Variants in SORCS2 observed in about 807,000 individuals in gnomAD.
The protein encoded by SORCS2 is sortilin related VPS10 domain containing receptor 2.
A neutral mutation model predicts 141.6 loss-of-function variants in SORCS2; 100 were observed. The observed-to-expected ratio is 0.71, with a 90% CI of 0.60 to 0.83. The LOEUF is 0.83. SORCS2 is among the 40% of genes least tolerant of loss of function. The pLI is 0.00. For synonymous variants in SORCS2, 789 were observed against 676.9 expected, an observed-to-expected ratio of 1.17 and a Z score of -2.57; for missense variants, 1,646 against 1,560.2, an observed-to-expected ratio of 1.05 and a Z score of -0.93.
At chr4:7,446,122 A>T (rs1460306051) in intron 2 of SORCS2, among the ~76,000 whole-genome samples, 1 of 151,342 alleles carries the variant, frequency 6.6e-6, no homozygotes, top group Non-Finnish European at 1.5e-5. Flanking sequence ...GCTTAAAGCC[A>T]ATGAAAGAGG....
chr4:7,674,903 TG>T (rs1330703144), intron 8 of SORCS2, among the ~76,000 whole-genome samples: 1 of 151,888 alleles, frequency 6.6e-6, no homozygotes, highest in Non-Finnish European at 1.5e-5. Context: ...ACACCGTAAT[TG>T]GGAGGGGCGG....
intron 2 of SORCS2, among the ~76,000 whole-genome samples, chr4:7,482,436 GAC>G (rs1730701147): frequency 2.1e-5 from 1 of 46,580 alleles, no homozygotes. Flanking sequence ...GGACACCCCT[GAC>G]GCTGTTCAGA....
intron 1 of SORCS2, among the ~76,000 whole-genome samples, chr4:7,382,219 G>A (rs1157539755): frequency 6.6e-6 from 1 of 152,184 alleles, no homozygotes; most frequent in Non-Finnish European, 1.5e-5. Flanking sequence ...AGCAATGGGG[G>A]TCTTGGTCTC....
At chr4:7,525,921 C>G (rs867731417) in intron 2 of SORCS2, among the ~76,000 whole-genome samples, 4 of 131,602 alleles carry the variant, frequency 3.0e-5, no homozygotes, top group Non-Finnish European at 4.9e-5. Flanking sequence ...TCACCTGTCC[C>G]CTCCTCACAC....
Position 7,263,421 on chromosome 4 carries a change from T to C in SORCS2, c.480+70295T>C, listed in dbSNP as rs1011415251. 2.0e-5 allele frequency among the ~76,000 whole-genome samples: 3 copies of C among 152,222 alleles called. No individual in the cohort carries two copies. The East Asian group carries it at 5.8e-4, about 29-fold the overall frequency. ...AGCACCCGTCATTCTGGTTCTGTGA[T>C]GCTGGTGGCACAGGCTGGGCAGGAC... is the stretch of plus-strand genomic sequence containing the variant. On this transcript the variant is annotated intron_variant, in intron 1 of 26. Coordinates refer to ENST00000507866, the MANE Select transcript of SORCS2 (RefSeq NM_020777.3).
intron 12 of SORCS2, among the ~76,000 whole-genome samples, chr4:7,699,247 C>A (rs958068640): frequency 6.6e-6 from 1 of 152,136 alleles, no homozygotes; most frequent in Admixed American, 6.5e-5. Flanking sequence ...CAGGAATGGG[C>A]GTCTGAAGAG....
In SORCS2 at chr4:7,192,912, C is replaced by G; in HGVS notation, c.266C>G (p.Thr89Arg). ...GGGEDRQARGTEPGAPGPSPG... is the reference protein window; with the variant it reads ...GGGEDRQARGREPGAPGPSPG... ...GGCGAGGACCGGCAGGCGCGCGGCA[C>G]GGAGCCAGGCGCCCCGGGTCCGAGT... Residue 89 changes from threonine (T) to arginine (R), a missense_variant, in exon 1 of 27, where the codon ACG becomes AGG. Thr to Arg is a moderately conservative substitution (Grantham distance 71). Transcript: ENST00000507866. The surrounding 1 kb of genome is among the most constrained non-coding windows in gnomAD (Gnocchi z 4.0). 2 of 1,191,088 alleles carry G rather than the reference C, an allele frequency of 1.7e-6. No homozygotes were observed. Among genetic ancestry groups the G allele is most frequent in the Admixed American group, 4.6e-5 (1 of 21,836 alleles). 73.8% of individuals were successfully genotyped at this position (1,191,088 alleles called of 1,614,324 possible). A position where few individuals can be genotyped will look rare whatever the true frequency, so the allele number is the denominator to read the frequency against.
In SORCS2 at chr4:7,588,201, C is replaced by T. The variant is rs1424751868; in HGVS notation, c.649-50127C>T. On this transcript the variant is annotated intron_variant, in intron 3 of 26. Transcript: ENST00000507866. ...CGGCAAATCCTTTCTGTTCTCTGGG[C>T]CGCCAAACCGCATTGAGAGCCCATT... 2.0e-5 allele frequency among the ~76,000 whole-genome samples: 3 copies of T among 152,314 alleles called. No homozygotes were observed. The East Asian group carries it at 5.8e-4, about 29-fold the overall frequency.
chr4:7,292,244 G>C (rs1024013617), intron 1 of SORCS2, among the ~76,000 whole-genome samples: 1 of 151,960 alleles, frequency 6.6e-6, no homozygotes, highest in Non-Finnish European at 1.5e-5. Flanking sequence ...CACCAAGGAG[G>C]CTCCCCCGCA....
chr4:7,500,793 G>A (rs1731920803), intron 2 of SORCS2, among the ~76,000 whole-genome samples: 1 of 152,168 alleles, frequency 6.6e-6, no homozygotes, highest in Non-Finnish European at 1.5e-5. Context: ...GGTAACGAGT[G>A]GGAGCCTCAG....
intron 1 of SORCS2, among the ~76,000 whole-genome samples, chr4:7,361,547 G>GT (rs1721579203): frequency 6.8e-6 from 1 of 147,664 alleles, no homozygotes; most frequent in Admixed American, 6.8e-5. Context: ...AGCAGCTGCA[G>GT]GCCCCCTGCC....
intron 1 of SORCS2, among the ~76,000 whole-genome samples, chr4:7,376,275 A>G (rs1278540599): frequency 1.3e-4 from 2 of 15,010 alleles, no homozygotes; most frequent in African/African-American, 2.9e-4. Flanking sequence ...TGCAAAGAGT[A>G]AAAAAAAAAA....
intron 2 of SORCS2, among the ~76,000 whole-genome samples, chr4:7,417,844 C>A (rs6856559): frequency 6.6e-6 from 1 of 152,108 alleles, no homozygotes; most frequent in African/African-American, 2.4e-5. Flanking sequence ...GGGAACGGGT[C>A]GCTGAAGGCT....
chr4:7,652,193 G>C (rs918900881), intron 4 of SORCS2, among the ~76,000 whole-genome samples: 1 of 152,174 alleles, frequency 6.6e-6, no homozygotes, highest in Admixed American at 6.5e-5. Flanking sequence ...CCTCCTGCCA[G>C]AGGAGATCTC....
intron 3 of SORCS2, among the ~76,000 whole-genome samples, chr4:7,551,529 AGAG>A (rs1713702150): frequency 1.3e-5 from 2 of 152,228 alleles, no homozygotes; most frequent in Admixed American, 6.5e-5. Context: ...AAGCTGATGC[AGAG>A]GAGATGATGC....
chr4:7,721,683 G>A (rs1236395988), intron 18 of SORCS2, among the ~76,000 whole-genome samples: 3 of 152,186 alleles, frequency 2.0e-5, no homozygotes, highest in Admixed American at 6.5e-5. Context: ...GTGCGGAAGT[G>A]GGTGTGTCTG....
chr4:7,252,902 C>T (rs1231659873), intron 1 of SORCS2, among the ~76,000 whole-genome samples: 1 of 152,240 alleles, frequency 6.6e-6, no homozygotes, highest in East Asian at 1.9e-4. Flanking sequence ...ATGGAAAATC[C>T]CCCTTAGCTG....
At chr4:7,267,932 A>G (rs1003681283) in intron 1 of SORCS2, among the ~76,000 whole-genome samples, 3 of 152,250 alleles carry the variant, frequency 2.0e-5, no homozygotes, top group Non-Finnish European at 4.4e-5. Flanking sequence ...TGAGGTGACA[A>G]TGGCACAGGT....
chr4:7,700,012 C>CA (rs1724960252), intron 12 of SORCS2, among the ~76,000 whole-genome samples: 1 of 152,232 alleles, frequency 6.6e-6, no homozygotes, highest in South Asian at 2.1e-4. Context: ...CACCGGCCTC[C>CA]AAGCTGCTCA....
Sources: allele counts gnomAD v4.1 joint callset (sites outside exome capture counted in the v4.1 genomes callset), GRCh38; gene constraint gnomAD v4.1.1; non-coding constraint Gnocchi (gnomAD v3.1); transcripts MANE v1.5; gene names NCBI Gene and HGNC (gene_info 2026-07-23, HGNC 2026-07-21).